The following CNDP1 variants were observed in gnomAD, a reference collection of about 807,000 sequenced individuals.
The protein encoded by CNDP1 is beta-Ala-His dipeptidase.
Under a neutral mutation model 58.1 loss-of-function variants are expected in CNDP1, and 44 were observed. The observed-to-expected ratio is 0.76, with a 90% CI of 0.60 to 0.97. The LOEUF (loss-of-function observed/expected upper bound fraction) is 0.97. CNDP1 is among the 50% of genes least tolerant of loss of function. The probability of loss-of-function intolerance (pLI) is 0.00; values close to 1 mark genes in which losing one functional copy is unlikely to be tolerated. For missense variants in CNDP1, 616 were observed against 655.1 expected, an observed-to-expected ratio of 0.94 and a Z score of 0.65; for synonymous variants, 254 against 252.6, an observed-to-expected ratio of 1.01 and a Z score of -0.05.
At chr18:74,583,198 G>A (rs1981829670) in intron 10 of CNDP1, among the ~76,000 whole-genome samples, 1 of 152,000 alleles carries the variant, frequency 6.6e-6, no homozygotes, top group Non-Finnish European at 1.5e-5. Context: ...GTAGAGACGG[G>A]GTTTCACCAT....
rs879805018 is a variant in CNDP1, at chr18:74,575,100, A to AGAAAGGAAGGAAAG, written c.842-1769_842-1768insGAAAGGAAGGAAAG. 5.9e-5 allele frequency among the ~76,000 whole-genome samples: 7 copies of AGAAAGGAAGGAAAG among 119,642 alleles called. No individual in the cohort carries two copies. In the South Asian group the frequency reaches 1.8e-3, roughly 31 times the overall value. The allele number at this position is 119,642 out of a possible 152,430, so 78.5% of individuals were successfully genotyped here. ...GGAAAGAAAGGAAGGAAGGAAAGAA[A>AGAAAGGAAGGAAAG]AAAGAAGGAAAGAAAGGAAGGAAGG... On this transcript the variant is annotated intron_variant, in intron 7 of 11. Transcript: ENST00000358821.
intron 3 of CNDP1, among the ~76,000 whole-genome samples, chr18:74,560,083 C>T (rs1035734045): frequency 6.8e-6 from 1 of 146,982 alleles, no homozygotes; most frequent in Non-Finnish European, 1.5e-5. Context: ...AATCTCAGCT[C>T]ACTGCAACCT....
At position 74,586,028 on chromosome 18, in the gene CNDP1, C is replaced by T. The variant is rs1303472294; in HGVS notation, c.*1466C>T. ...AAAAAAAAAAAAAAAAAGCAGAACA[C>T]ATTTGCGTTCAACTTTTTTCCATCA... On this transcript the variant is annotated 3_prime_UTR_variant, in exon 12 of 12. Transcript: ENST00000358821. 7.1e-6 allele frequency: 1 copy of T among 140,184 alleles called. No homozygotes were observed. Among genetic ancestry groups the T allele is most frequent in the Non-Finnish European group, 1.5e-5 (1 of 65,440 alleles). The allele number at this position is 140,184 out of a possible 1,614,324, so 8.7% of individuals were successfully genotyped here. A position where few individuals can be genotyped will look rare whatever the true frequency, so the allele number is the denominator to read the frequency against.
rs1379037436 is a variant in CNDP1 at position 74,562,113 on chromosome 18, G to A, written c.533G>A (p.Ser178Asn). The A allele has an allele frequency of 6.2e-7, 1 of 1,613,986 alleles. No homozygotes were observed. Among genetic ancestry groups the A allele is most frequent in the Non-Finnish European group, 8.5e-7 (1 of 1,179,980 alleles). Reference sequence around the variant, plus strand: ...GTCTTGGCTTGGATCAATGCTGTGAGCGCCTTCAGAGCCCTGGAGCAAGTA... The same window carrying A: ...GTCTTGGCTTGGATCAATGCTGTGAACGCCTTCAGAGCCCTGGAGCAAGTA... ...GPVLAWINAV[S>N]AFRALEQDLP... Residue 178 changes from serine (S) to asparagine (N), a missense_variant, in exon 5 of 12, where the codon AGC becomes AAC. Transcript: ENST00000358821.
chr18:74,556,534 A>G, intron 2 of CNDP1, 68 bp downstream of exon 2: 1 of 1,583,058 alleles, frequency 6.3e-7, no homozygotes. Context: ...TTTGGGTGAG[A>G]CAATTATTTG....
chr18:74,557,290 C>T (rs2144653249), intron 2 of CNDP1, among the ~76,000 whole-genome samples: 1 of 152,240 alleles, frequency 6.6e-6, no homozygotes, highest in Non-Finnish European at 1.5e-5. Flanking sequence ...GGCACAAACA[C>T]AGCTCACTGC....
rs1239955611 is a variant in CNDP1 at position 74,534,692 on chromosome 18, G to C, written c.24+1G>C. The C allele has an allele frequency of 6.2e-7, 1 of 1,614,114 alleles. No individual in the cohort carries two copies. The highest frequency in any genetic ancestry group is 1.7e-5 in the Admixed American group (1 of 60,022). On this transcript the variant is annotated splice_donor_variant, in intron 1 of 11. Coordinates refer to ENST00000358821, the MANE Select transcript of CNDP1 (RefSeq NM_032649.6). LOFTEE classifies it high-confidence loss of function. ...AATGGATCCCAAACTCGGGAGAATG[G>C]TGAGTAGGACCTCCTCCATCAGAGT...
rs1981881338 is a variant in CNDP1 at position 74,585,204 on chromosome 18, T to TA, written c.*643dup. The TA allele has an allele frequency of 2.0e-5, 3 of 152,306 alleles. No individual in the cohort carries two copies. The highest frequency in any genetic ancestry group is 7.2e-5 in the African/African-American group (3 of 41,556). The allele number at this position is 152,306 out of a possible 1,614,324, so 9.4% of individuals were successfully genotyped here. On this transcript the variant is annotated 3_prime_UTR_variant, in exon 12 of 12. Transcript: ENST00000358821. ...GTGCAAAGATGAGTATTTTTTTTTT[T>TA]ATTCCAAGCTTCTTTACCTTTCCTG... is the stretch of plus-strand genomic sequence containing the variant.
rs148610034 is a variant in CNDP1 at position 74,549,630 on chromosome 18, T to C, written c.25-6708T>C. On this transcript the variant is annotated intron_variant, in intron 1 of 11. Transcript: ENST00000358821. Reference sequence around the variant, plus strand: ...TTACCAGGAGAGGAATTTGAACAGGTTGCAGAGCAACCACTTGCTAGAGAG... The same window carrying C: ...TTACCAGGAGAGGAATTTGAACAGGCTGCAGAGCAACCACTTGCTAGAGAG... Among the ~76,000 whole-genome samples the C allele has an allele frequency of 1.2e-4, 18 of 152,172 alleles. No homozygotes were observed. The East Asian group carries it at 3.3e-3, about 28-fold the overall frequency.
intron 7 of CNDP1, among the ~76,000 whole-genome samples, chr18:74,575,867 ATTT>A (rs34962477): frequency 4.2e-5 from 4 of 94,768 alleles, no homozygotes; most frequent in Admixed American, 1.5e-4. Flanking sequence ...GTGTGTATAC[ATTT>A]TTTTTTTTTT....
intron 1 of CNDP1, among the ~76,000 whole-genome samples, chr18:74,539,135 G>A (rs1434578216): frequency 6.7e-6 from 1 of 148,686 alleles, no homozygotes; most frequent in Non-Finnish European, 1.5e-5. Flanking sequence ...ATGGACATTC[G>A]CTGCAAACAC....
intron 1 of CNDP1, among the ~76,000 whole-genome samples, chr18:74,540,157 C>CTT (rs34321505): frequency 8.9e-5 from 12 of 135,246 alleles, no homozygotes; most frequent in East Asian, 2.1e-4. Flanking sequence ...TGGTATAAAT[C>CTT]TTTTTTTTTT....
chr18:74,537,782 G>A (rs147743754), intron 1 of CNDP1, among the ~76,000 whole-genome samples: 2 of 152,318 alleles, frequency 1.3e-5, no homozygotes, highest in African/African-American at 2.4e-5. Context: ...GGACCAGGAA[G>A]CTCCTCTGGG....
chr18:74,560,853 C>T lies in CNDP1; in HGVS notation c.304-3C>T, dbSNP rs770886531. On this transcript the variant is annotated splice_region_variant and splice_polypyrimidine_tract_variant and intron_variant, in intron 3 of 11. Transcript: ENST00000358821. Reference sequence around the variant, plus strand: ...GAAAATGTGATTCCTGATCATTCTGCAGCTGCCCGATGGTCAGAGTCTTCC... The same window carrying T: ...GAAAATGTGATTCCTGATCATTCTGTAGCTGCCCGATGGTCAGAGTCTTCC... The T allele has an allele frequency of 1.2e-6, 2 of 1,611,224 alleles. No homozygotes were observed. Among genetic ancestry groups the T allele is most frequent in the Non-Finnish European group, 8.5e-7 (1 of 1,177,582 alleles).
intron 1 of CNDP1, among the ~76,000 whole-genome samples, chr18:74,550,156 A>G (rs1046851556): frequency 6.6e-5 from 10 of 152,228 alleles, no homozygotes; most frequent in African/African-American, 2.4e-4. Flanking sequence ...GAAGGGGGCC[A>G]TCATTCTCCA....
chr18:74,559,353 G>A lies in CNDP1; in HGVS notation c.184G>A (p.Asp62Asn), dbSNP rs142534952. ...TLKEWVAIES[D>N]SVQPVPRFRQ... is the part of the protein sequence containing the mutation. ...GAAGGAGTGGGTGGCCATCGAGAGCGACTCTGTCCAGCCTGTGCCTCGCTT... is the reference window on the plus strand; with the variant it reads ...GAAGGAGTGGGTGGCCATCGAGAGCAACTCTGTCCAGCCTGTGCCTCGCTT... The change falls in exon 3 of 12, where the codon GAC becomes AAC. Residue 62 changes from aspartate (D) to asparagine (N), a missense_variant. Physicochemically the swap from Asp to Asn is conservative, Grantham distance 23. Coordinates refer to ENST00000358821, the MANE Select transcript of CNDP1 (RefSeq NM_032649.6). The A allele has an allele frequency of 1.3e-4, 213 of 1,614,024 alleles. No individual in the cohort carries two copies. The highest frequency in any genetic ancestry group is 1.7e-4 in the Non-Finnish European group (202 of 1,180,012).
At chr18:74,553,709 A>T (rs549819010) in intron 1 of CNDP1, among the ~76,000 whole-genome samples, 1 of 152,204 alleles carries the variant, frequency 6.6e-6, no homozygotes, top group Admixed American at 6.5e-5. Flanking sequence ...AGCAAAATTC[A>T]GACCCTTATT....
rs1453150409 is a variant in CNDP1, at chr18:74,576,820, T to C, written c.842-49T>C. ...ACAGTCTGGCTCCAGGACCACAACA[T>C]TGGCACACTCCTTTCTACCTGGCTT... On this transcript the variant is annotated intron_variant, in intron 7 of 11. Transcript: ENST00000358821. The C allele has an allele frequency of 2.6e-6, 4 of 1,548,302 alleles. No homozygotes were observed. The Admixed American group carries it at 5.4e-5, about 21-fold the overall frequency.
intron 5 of CNDP1, 127 bp downstream of exon 5, chr18:74,562,262 G>C (rs1424356648): frequency 2.5e-6 from 2 of 792,762 alleles, no homozygotes; most frequent in South Asian, 3.0e-5. Flanking sequence ...CTTTGGAGGT[G>C]TGTGCGACAA....
Sources: gnomAD v4.1 joint callset for allele counts (sites outside exome capture counted in the v4.1 genomes callset) on GRCh38, gnomAD v4.1.1 for gene constraint, MANE v1.5 for transcripts, NCBI Gene and HGNC (gene_info 2026-07-23, HGNC 2026-07-21) for gene names.